HIVEP3: variants seen among roughly 807,000 people sequenced by gnomAD.
HIVEP3 encodes HIVEP zinc finger 3.
A neutral mutation model predicts 152.8 loss-of-function variants in HIVEP3; 49 were observed. The observed-to-expected ratio is 0.32, with a 90% CI of 0.26 to 0.41. The LOEUF (loss-of-function observed/expected upper bound fraction) is 0.41. HIVEP3 is among the 10% of genes least tolerant of loss of function. HIVEP3 has a pLI of 1.00. For missense variants in HIVEP3, 2,790 were observed against 3,103.3 expected (o/e 0.90, Z 2.40); for synonymous variants, 1,269 against 1,289.0 (o/e 0.98, Z 0.33).
intron 1 of HIVEP3, among the ~76,000 whole-genome samples, chr1:41,934,124 T>C (rs1645008526): frequency 6.6e-6 from 1 of 152,156 alleles, no homozygotes; most frequent in Non-Finnish European, 1.5e-5. Flanking sequence ...TTTCCTCTCC[T>C]CCAGCAATTC....
In HIVEP3 at chr1:41,580,249, G is replaced by A; in HGVS notation, c.4549C>T (p.His1517Tyr). ...SDTKEIPPLPHPALSHGTAPG... is the reference protein window; with the variant it reads ...SDTKEIPPLPYPALSHGTAPG... ...GCTGTCCCATGGGACAATGCAGGGTGAGGGAGGGGAGGAATTTCCTTTGTG... is the reference window on the plus strand; with the variant it reads ...GCTGTCCCATGGGACAATGCAGGGTAAGGGAGGGGAGGAATTTCCTTTGTG... The change falls in exon 4 of 9, where the codon CAC becomes TAC. Residue 1517 changes from histidine (H) to tyrosine (Y), a missense_variant. His to Tyr is a moderately conservative substitution (Grantham distance 83, BLOSUM62 2). Transcript: ENST00000372583. 6.2e-7 allele frequency: 1 copy of A among 1,613,624 alleles called. No individual in the cohort carries two copies.
intron 2 of HIVEP3, among the ~76,000 whole-genome samples, chr1:41,635,359 T>TA (rs1645252703): frequency 6.6e-6 from 1 of 151,770 alleles, no homozygotes; most frequent in Non-Finnish European, 1.5e-5. Flanking sequence ...AGGTTGAAAC[T>TA]AAATGAGTTA....
chr1:41,555,096 C>G (rs542799915), intron 5 of HIVEP3, among the ~76,000 whole-genome samples: 36 of 152,338 alleles, frequency 2.4e-4, no homozygotes, highest in East Asian at 1.3e-3. Context: ...GCCCTGCCCC[C>G]AGAGGTGGAA....
intron 1 of HIVEP3, among the ~76,000 whole-genome samples, chr1:41,787,205 C>G (rs939194598): frequency 2.0e-5 from 3 of 152,036 alleles, no homozygotes; most frequent in Admixed American, 1.3e-4. Flanking sequence ...AAATAATGCC[C>G]GTGTCTGATG....
chr1:41,634,766 G>A (rs1181997505), intron 2 of HIVEP3, among the ~76,000 whole-genome samples: 3 of 152,124 alleles, frequency 2.0e-5, no homozygotes, highest in African/African-American at 7.2e-5. Flanking sequence ...TTATATTGCC[G>A]AAGAGTCTAT....
Position 41,918,440 on chromosome 1 carries a change from C to T in HIVEP3, c.-828G>A, listed in dbSNP as rs1170005704. The T allele has an allele frequency of 6.6e-6, 1 of 152,234 alleles. No homozygotes were observed. Among genetic ancestry groups the T allele is most frequent in the Non-Finnish European group, 1.5e-5 (1 of 68,050 alleles). The allele number at this position is 152,234 out of a possible 1,614,324, so 9.4% of individuals were successfully genotyped here. A position where few individuals can be genotyped will look rare whatever the true frequency, so the allele number is the denominator to read the frequency against. ...TCGGCCTTGGGATGGCAAACTGGTC[C>T]TGTGTTCTCTGACCCACGGATCCAG... On this transcript the variant is annotated 5_prime_UTR_variant, in exon 1 of 9. Coordinates refer to ENST00000372583, the MANE Select transcript of HIVEP3 (RefSeq NM_024503.5). This position sits in a 1 kb window ranked among gnomAD's most constrained non-coding sequence, Gnocchi z 4.3.
rs1647202342 is a variant in HIVEP3, at chr1:41,753,613, A to T, written c.-800-52618T>A. Among the ~76,000 whole-genome samples the T allele has an allele frequency of 2.0e-5, 3 of 152,080 alleles. 1 individual carries two copies. The South Asian group carries it at 6.2e-4, about 31-fold the overall frequency. On this transcript the variant is annotated intron_variant, in intron 1 of 8. Transcript: ENST00000372583. ...AACTCGGGAGGCGGAGGTTGCAGTG[A>T]GCCGAGATCACGTCATCGCACTCCA...
intron 5 of HIVEP3, among the ~76,000 whole-genome samples, chr1:41,527,599 C>G (rs139039527): frequency 7.0e-6 from 1 of 142,040 alleles, no homozygotes; most frequent in Non-Finnish European, 1.5e-5. Context: ...CACACTCATT[C>G]GCATACTCTA....
At chr1:41,859,416 A>G (rs1467662308) in intron 1 of HIVEP3, among the ~76,000 whole-genome samples, 1 of 152,242 alleles carries the variant, frequency 6.6e-6, no homozygotes, top group Non-Finnish European at 1.5e-5. Flanking sequence ...CATGTCTTCA[A>G]TATTTTAAAC....
At chr1:41,714,360 T>C (rs1011313255) in intron 1 of HIVEP3, among the ~76,000 whole-genome samples, 1 of 152,138 alleles carries the variant, frequency 6.6e-6, no homozygotes, top group African/African-American at 2.4e-5. Context: ...ATTGAGTGTT[T>C]CCCATGGGTA....
chr1:41,517,447 T>C (rs897807115), intron 7 of HIVEP3, among the ~76,000 whole-genome samples: 2 of 152,232 alleles, frequency 1.3e-5, no homozygotes, highest in Admixed American at 1.3e-4. Flanking sequence ...TCTATAAAAA[T>C]GACTTATTCC....
chr1:41,547,870 G>C (rs12119480), intron 5 of HIVEP3, among the ~76,000 whole-genome samples: 27,946 of 152,080 alleles, frequency 0.18, 3,091 homozygotes, highest in Non-Finnish European at 0.26. Context: ...CCTGACCATG[G>C]GCTCCCAGGC....
intron 1 of HIVEP3, among the ~76,000 whole-genome samples, chr1:41,820,328 T>G (rs2492603): frequency 3.3e-5 from 5 of 152,082 alleles, no homozygotes; most frequent in African/African-American, 1.2e-4. Context: ...TATGCAGTGA[T>G]CTGTTTTATC....
At chr1:41,952,081 G>A (rs988628507) in intron 1 of HIVEP3, among the ~76,000 whole-genome samples, 5 of 152,184 alleles carry the variant, frequency 3.3e-5, no homozygotes, top group African/African-American at 1.2e-4. Context: ...CTTCCATAAA[G>A]CAGCAGCTCT....
chr1:41,685,347 C>T (rs1265219178), intron 2 of HIVEP3, among the ~76,000 whole-genome samples: 4 of 152,188 alleles, frequency 2.6e-5, no homozygotes, highest in Non-Finnish European at 5.9e-5. Flanking sequence ...CAGTTTGTGG[C>T]TTTCTATATG....
At chr1:41,599,197 A>C (rs1454150629) in intron 3 of HIVEP3, among the ~76,000 whole-genome samples, 1 of 152,238 alleles carries the variant, frequency 6.6e-6, no homozygotes, top group African/African-American at 2.4e-5. Flanking sequence ...AAGCTATTGG[A>C]TATCCATATT....
intron 5 of HIVEP3, among the ~76,000 whole-genome samples, chr1:41,570,241 A>C (rs1443995269): frequency 6.6e-6 from 1 of 152,206 alleles, no homozygotes; most frequent in Non-Finnish European, 1.5e-5. Flanking sequence ...GTAACCAGTC[A>C]AGGAAGAGGA....
intron 2 of HIVEP3, among the ~76,000 whole-genome samples, chr1:41,633,565 G>A (rs1250604533): frequency 6.6e-6 from 1 of 152,070 alleles, no homozygotes; most frequent in African/African-American, 2.4e-5. Flanking sequence ...ATTATCCCAG[G>A]AGCCTCTCTC....
chr1:41,526,956 CCA>C (rs750685212), intron 5 of HIVEP3, among the ~76,000 whole-genome samples: 12 of 106,440 alleles, frequency 1.1e-4, no homozygotes, highest in African/African-American at 1.7e-4. Context: ...TGCTCACACC[CCA>C]CTCATCCTCA....
Sources: allele counts gnomAD v4.1 joint callset (sites outside exome capture counted in the v4.1 genomes callset), GRCh38; gene constraint gnomAD v4.1.1; non-coding constraint Gnocchi (gnomAD v3.1); transcripts MANE v1.5; gene names NCBI Gene and HGNC (gene_info 2026-07-23, HGNC 2026-07-21).